The following REV3L variants were observed in gnomAD, a reference collection of about 807,000 sequenced individuals.
REV3L encodes REV3 like, DNA directed polymerase zeta catalytic subunit, also known as DNA polymerase zeta catalytic subunit.
Under a neutral mutation model 299.4 loss-of-function variants are expected in REV3L, and 69 were observed. That is an observed-to-expected ratio of 0.23 (90% CI 0.19 to 0.28). The LOEUF is 0.28. REV3L is among the 10% of genes least tolerant of loss of function. The pLI is 1.00. For missense variants in REV3L, 3,128 were observed against 3,693.8 expected, an observed-to-expected ratio of 0.85 and a Z score of 3.97; for synonymous variants, 1,238 against 1,271.4, an observed-to-expected ratio of 0.97 and a Z score of 0.56.
intron 20 of REV3L, among the ~76,000 whole-genome samples, chr6:111,344,983 C>T (rs892220086): frequency 3.3e-5 from 5 of 152,144 alleles, no homozygotes; most frequent in African/African-American, 7.2e-5. Context: ...TACAATGCAG[C>T]ACACTTCACA....
intron 18 of REV3L, chr6:111,353,670 T>C (rs1016728482): frequency 6.6e-6 from 1 of 152,166 alleles, no homozygotes; most frequent in African/African-American, 2.4e-5. Context: ...TAAACAGCTA[T>C]TGAAGCAAAG....
chr6:111,411,382 A>G, intron 3 of REV3L, 98 bp downstream of exon 3: 3 of 761,452 alleles, frequency 3.9e-6, no homozygotes, highest in Non-Finnish European at 6.5e-6. Context: ...TGTCTTTAAT[A>G]AGACTACAAA....
intron 16 of REV3L, among the ~76,000 whole-genome samples, chr6:111,359,841 T>C (rs1239330390): frequency 6.6e-6 from 1 of 152,210 alleles, no homozygotes; most frequent in East Asian, 1.9e-4. Flanking sequence ...ATTCAGATCA[T>C]ATAAATTTAA....
chr6:111,455,928 T>C (rs1372080211), intron 1 of REV3L, among the ~76,000 whole-genome samples: 1 of 152,176 alleles, frequency 6.6e-6, no homozygotes, highest in African/African-American at 2.4e-5. Flanking sequence ...GCAATGGTGG[T>C]TCCTTAAGAT....
chr6:111,461,975 A>G (rs1437657168), intron 1 of REV3L, among the ~76,000 whole-genome samples: 1 of 152,142 alleles, frequency 6.6e-6, no homozygotes, highest in Non-Finnish European at 1.5e-5. Context: ...AAAATGAAAG[A>G]CAGAGATTAT....
intron 1 of REV3L, among the ~76,000 whole-genome samples, chr6:111,462,224 G>GA (rs1790857477): frequency 6.6e-6 from 1 of 152,134 alleles, no homozygotes; most frequent in South Asian, 2.1e-4. Context: ...ACAATGGAGA[G>GA]ATGGAAATCT....
intron 26 of REV3L, 42 bp from the exon 27 acceptor site, chr6:111,315,423 T>C (rs549124917): frequency 1.3e-6 from 2 of 1,520,668 alleles, no homozygotes; most frequent in African/African-American, 2.8e-5. Context: ...AGGAAGTCAT[T>C]ATAACAAAAA....
intron 2 of REV3L, among the ~76,000 whole-genome samples, chr6:111,415,148 A>G (rs911731010): frequency 4.6e-5 from 7 of 152,226 alleles, no homozygotes; most frequent in African/African-American, 1.7e-4. Context: ...AAACTTAAGC[A>G]TGCATAAGAA....
Position 111,430,471 on chromosome 6 carries a change from T to C in REV3L, c.140-13999A>G, listed in dbSNP as rs1277390385. 5.8e-6 allele frequency: 9 copies of C among 1,545,700 alleles called. No homozygotes were observed. In the Admixed American group the frequency reaches 1.2e-4, roughly 20 times the overall value. ...ATGATTTACAATAAACCAGAGACCA[T>C]TTATTATAAAGCTGCAAAGAAGCGG... On this transcript the variant is annotated intron_variant, in intron 1 of 31. Coordinates refer to ENST00000368802, the MANE Select transcript of REV3L (RefSeq NM_001372078.1).
At chr6:111,452,968 G>A (rs760416205) in intron 1 of REV3L, among the ~76,000 whole-genome samples, 24 of 151,970 alleles carry the variant, frequency 1.6e-4, no homozygotes, top group Non-Finnish European at 1.9e-4. Flanking sequence ...ATGCAGTCAA[G>A]ATAAAAGCAA....
intron 27 of REV3L, among the ~76,000 whole-genome samples, chr6:111,314,901 G>C (rs1328093990): frequency 6.7e-6 from 1 of 149,766 alleles, no homozygotes; most frequent in Non-Finnish European, 1.5e-5. Context: ...CCCCAGGCTG[G>C]AGTGCACCGG....
At position 111,409,374 on chromosome 6, in the gene REV3L, T is replaced by TA. The variant is rs1784001603; in HGVS notation, c.404+2105dup. 3.3e-5 allele frequency among the ~76,000 whole-genome samples: 5 copies of TA among 151,362 alleles called. No individual in the cohort carries two copies. The South Asian group carries it at 1.0e-3, about 32-fold the overall frequency. ...TGTGAAACCGGCTTTTTTTTTTTTT[T>TA]AAAGGTGAGTACTTAGTGGTAGAAA... On this transcript the variant is annotated intron_variant, in intron 3 of 31. Transcript: ENST00000368802.
At chr6:111,303,165 C>CTTTCTTTTTTTT (rs4038141) in intron 31 of REV3L, among the ~76,000 whole-genome samples, 1,523 of 92,296 alleles carry the variant, frequency 0.017, 26 homozygotes, top group Non-Finnish European at 0.025. Context: ...TCTTTTCTTT[C>CTTTCTTTTTTTT]TTTTTTTTTT....
At chr6:111,393,420 T>C (rs1282913868) in intron 4 of REV3L, among the ~76,000 whole-genome samples, 1 of 152,228 alleles carries the variant, frequency 6.6e-6, no homozygotes, top group Non-Finnish European at 1.5e-5. Flanking sequence ...GGTATTTTCA[T>C]ACATGCATAC....
intron 6 of REV3L, among the ~76,000 whole-genome samples, chr6:111,389,682 C>T (rs1057233354): frequency 1.3e-5 from 2 of 148,492 alleles, no homozygotes; most frequent in Non-Finnish European, 3.0e-5. Context: ...TTAGTTTCCT[C>T]GTAAAGTTTT....
chr6:111,480,388 T>A (rs1050161116), intron 1 of REV3L, among the ~76,000 whole-genome samples: 2 of 152,188 alleles, frequency 1.3e-5, no homozygotes, highest in Admixed American at 6.5e-5. Context: ...CATTCAGAGT[T>A]TTACTAAGTC....
chr6:111,429,134 T>C (rs1786545786), intron 1 of REV3L, among the ~76,000 whole-genome samples: 1 of 152,230 alleles, frequency 6.6e-6, no homozygotes, highest in African/African-American at 2.4e-5. Flanking sequence ...AGCAATGCTA[T>C]CCTTCAAATA....
intron 1 of REV3L, among the ~76,000 whole-genome samples, chr6:111,450,473 T>C (rs1358441748): frequency 2.4e-5 from 2 of 84,844 alleles, no homozygotes; most frequent in Non-Finnish European, 4.4e-5. Flanking sequence ...AGCAAGACCC[T>C]GTCTCAAAAA....
chr6:111,385,699 A>G (rs1781277781), intron 9 of REV3L, among the ~76,000 whole-genome samples: 1 of 152,128 alleles, frequency 6.6e-6, no homozygotes, highest in Admixed American at 6.5e-5. Flanking sequence ...AGATGGAGAG[A>G]AAACATCTCT....
Sources: allele counts gnomAD v4.1 joint callset (sites outside exome capture counted in the v4.1 genomes callset), GRCh38; gene constraint gnomAD v4.1.1; transcripts MANE v1.5; gene names NCBI Gene and HGNC (gene_info 2026-07-23, HGNC 2026-07-21).